Variants in CNTNAP2 observed in about 807,000 individuals in gnomAD.
CNTNAP2 encodes contactin-associated protein-like 2.
In CNTNAP2, 98 loss-of-function variants were observed where a neutral mutation model predicts 155.2. The ratio of observed to expected loss-of-function variants is 0.63; its 90% CI spans 0.54 to 0.75. The LOEUF (loss-of-function observed/expected upper bound fraction) is 0.75. CNTNAP2 is among the 30% of genes least tolerant of loss of function. The pLI is 0.00. For missense variants in CNTNAP2, 1,727 were observed against 1,688.1 expected (o/e 1.02, Z -0.40); for synonymous variants, 651 against 631.2 (o/e 1.03, Z -0.47).
chr7:146,553,284 C>T (rs1212107026), intron 1 of CNTNAP2, among the ~76,000 whole-genome samples: 3 of 151,894 alleles, frequency 2.0e-5, no homozygotes, highest in Non-Finnish European at 4.4e-5. Context: ...TAGAAGAAGT[C>T]TATAGAAAAC....
chr7:147,261,832 T>C (rs1804474256), intron 8 of CNTNAP2, among the ~76,000 whole-genome samples: 2 of 152,210 alleles, frequency 1.3e-5, no homozygotes, highest in African/African-American at 4.8e-5. Context: ...ACAATTATTC[T>C]GAAAGATTTT....
chr7:147,453,959 C>T (rs921219086), intron 10 of CNTNAP2, among the ~76,000 whole-genome samples: 7 of 152,036 alleles, frequency 4.6e-5, no homozygotes, highest in African/African-American at 9.7e-5. Flanking sequence ...ACCTAAGATG[C>T]GCCATGTTCT....
At chr7:147,807,622 A>G (rs1051791116) in intron 13 of CNTNAP2, among the ~76,000 whole-genome samples, 1 of 152,174 alleles carries the variant, frequency 6.6e-6, no homozygotes, top group Non-Finnish European at 1.5e-5. Flanking sequence ...TAAAGTGATT[A>G]TATTTCTTAG....
chr7:147,902,352 C>T (rs1264640645), intron 13 of CNTNAP2, among the ~76,000 whole-genome samples: 1 of 151,918 alleles, frequency 6.6e-6, no homozygotes, highest in Non-Finnish European at 1.5e-5. Flanking sequence ...CTTTTGAAAA[C>T]TCGTCTAAGC....
chr7:146,952,080 A>G (rs1040932101), intron 3 of CNTNAP2, among the ~76,000 whole-genome samples: 1 of 152,178 alleles, frequency 6.6e-6, no homozygotes, highest in African/African-American at 2.4e-5. Flanking sequence ...CTTATCCGCC[A>G]TGATGAAGAC....
At chr7:147,872,471 A>G (rs966950677) in intron 13 of CNTNAP2, among the ~76,000 whole-genome samples, 9 of 152,154 alleles carry the variant, frequency 5.9e-5, no homozygotes, top group Non-Finnish European at 1.2e-4. Flanking sequence ...CTACTGACTC[A>G]CCAGTCTAAC....
At chr7:146,858,869 T>C (rs1349030042) in intron 3 of CNTNAP2, among the ~76,000 whole-genome samples, 1 of 152,238 alleles carries the variant, frequency 6.6e-6, no homozygotes, top group Non-Finnish European at 1.5e-5. Flanking sequence ...CATCATTTAT[T>C]TGAAGTAATG....
Position 147,715,059 on chromosome 7 carries a change from A to T in CNTNAP2, c.2098+75753A>T, listed in dbSNP as rs148207913. ...GTATTCCCTGATATGCATATACCAC[A>T]GTTTGATTAATTGTTCACACATTAA... On this transcript the variant is annotated intron_variant, in intron 13 of 23. Transcript: ENST00000361727. 5.9e-3 allele frequency among the ~76,000 whole-genome samples: 902 copies of T among 152,216 alleles called. 6 individuals are homozygous for T. Among genetic ancestry groups the T allele is most frequent in the African/African-American group, 0.02 (846 of 41,558 alleles).
At chr7:146,468,758 C>G (rs1413589641) in intron 1 of CNTNAP2, among the ~76,000 whole-genome samples, 1 of 152,092 alleles carries the variant, frequency 6.6e-6, no homozygotes, top group African/African-American at 2.4e-5. Context: ...GTTGCTTCTA[C>G]CTTCCTCAGT....
At chr7:147,521,729 G>A (rs1050510477) in intron 11 of CNTNAP2, among the ~76,000 whole-genome samples, 51 of 152,280 alleles carry the variant, frequency 3.3e-4, no homozygotes, top group African/African-American at 1.1e-3. Context: ...GAGGAATATA[G>A]AGAGAGGCCC....
At chr7:148,410,044 C>T (rs1382115236) in intron 23 of CNTNAP2, among the ~76,000 whole-genome samples, 1 of 22,616 alleles carries the variant, frequency 4.4e-5, no homozygotes, top group Non-Finnish European at 9.3e-5. Flanking sequence ...GAGCGGGACT[C>T]CGTCTCAAAA....
intron 21 of CNTNAP2, chr7:148,339,660 C>G (rs1798192238): frequency 6.6e-6 from 1 of 152,314 alleles, no homozygotes; most frequent in African/African-American, 2.4e-5. Flanking sequence ...GGCTGGCTCC[C>G]ACATGGAGCT....
At chr7:146,981,858 A>G (rs1448595107) in intron 3 of CNTNAP2, among the ~76,000 whole-genome samples, 4 of 152,198 alleles carry the variant, frequency 2.6e-5, no homozygotes, top group Non-Finnish European at 5.9e-5. Context: ...AGCAAACCTT[A>G]TATTGAAAAG....
intron 13 of CNTNAP2, among the ~76,000 whole-genome samples, chr7:147,652,096 CTG>C (rs1420354529): frequency 6.6e-6 from 1 of 152,146 alleles, no homozygotes; most frequent in Non-Finnish European, 1.5e-5. Context: ...ATTTCAGAGA[CTG>C]TATCTTTCCC....
chr7:147,533,401 T>C (rs1799477891), intron 11 of CNTNAP2, among the ~76,000 whole-genome samples: 1 of 152,004 alleles, frequency 6.6e-6, no homozygotes, highest in African/African-American at 2.4e-5. Context: ...CCAGAACTGA[T>C]TTCCATAAAC....
At chr7:147,301,272 C>T (rs187374401) in intron 9 of CNTNAP2, among the ~76,000 whole-genome samples, 53 of 152,214 alleles carry the variant, frequency 3.5e-4, no homozygotes, top group Non-Finnish European at 6.0e-4. Flanking sequence ...TAGCAAAGAC[C>T]TGTCACATTT....
intron 1 of CNTNAP2, among the ~76,000 whole-genome samples, chr7:146,385,876 GGATA>G (rs1393173821): frequency 1.3e-5 from 2 of 152,202 alleles, no homozygotes; most frequent in Non-Finnish European, 1.5e-5. Context: ...CTGTTTTAAA[GGATA>G]GATAAAGTAA....
chr7:147,999,491 A>G (rs1251657056), intron 15 of CNTNAP2, among the ~76,000 whole-genome samples: 2 of 152,220 alleles, frequency 1.3e-5, no homozygotes, highest in African/African-American at 4.8e-5. Flanking sequence ...ATAAATCTGT[A>G]AAATTATTGA....
intron 1 of CNTNAP2, among the ~76,000 whole-genome samples, chr7:146,459,222 C>T (rs1796601646): frequency 6.6e-6 from 1 of 152,092 alleles, no homozygotes; most frequent in Non-Finnish European, 1.5e-5. Flanking sequence ...AAATTTGTCC[C>T]ATGGATGCTG....
Sources: gnomAD v4.1 joint callset for allele counts (sites outside exome capture counted in the v4.1 genomes callset) on GRCh38, gnomAD v4.1.1 for gene constraint, MANE v1.5 for transcripts, NCBI Gene and HGNC (gene_info 2026-07-23, HGNC 2026-07-21) for gene names.